Variants in ARID2 observed in about 807,000 individuals in gnomAD.
ARID2 encodes the protein AT-rich interactive domain-containing protein 2.
Under a neutral mutation model 184.6 loss-of-function variants are expected in ARID2, and 32 were observed. The ratio of observed to expected loss-of-function variants is 0.17; its 90% confidence interval spans 0.13 to 0.23. The LOEUF is 0.23. Among genes scored for constraint, ARID2 ranks in the 10% least tolerant of loss-of-function variants. The probability of loss-of-function intolerance (pLI) is 1.00; values close to 1 mark genes in which losing one functional copy is unlikely to be tolerated. For missense variants in ARID2, 1,696 were observed against 2,197.6 expected, an observed-to-expected ratio of 0.77 and a Z score of 4.56; for synonymous variants, 836 against 772.6, an observed-to-expected ratio of 1.08 and a Z score of -1.36.
chr12:45,782,011 G>A (rs930790744), intron 3 of ARID2, among the ~76,000 whole-genome samples: 1 of 151,720 alleles, frequency 6.6e-6, no homozygotes, highest in Non-Finnish European at 1.5e-5. Flanking sequence ...GTAAAGGGGA[G>A]GTATAAAAAG....
At chr12:45,783,670 A>G (rs1053987750) in intron 3 of ARID2, among the ~76,000 whole-genome samples, 1 of 152,242 alleles carries the variant, frequency 6.6e-6, no homozygotes, top group African/African-American at 2.4e-5. Context: ...TTGAGAATCT[A>G]ATGCCACTGC....
chr12:45,758,668 C>T (rs941109307), intron 3 of ARID2, among the ~76,000 whole-genome samples: 2 of 152,128 alleles, frequency 1.3e-5, no homozygotes, highest in Admixed American at 6.5e-5. Context: ...AGCCCTTGGG[C>T]CTTATTCTTT....
chr12:45,759,671 G>A (rs532607328), intron 3 of ARID2, among the ~76,000 whole-genome samples: 1 of 152,218 alleles, frequency 6.6e-6, no homozygotes, highest in South Asian at 2.1e-4. Context: ...TCCATTTAGT[G>A]TAATAATTTT....
chr12:45,872,701 A>G (rs748999182), intron 16 of ARID2, among the ~76,000 whole-genome samples: 2 of 152,242 alleles, frequency 1.3e-5, no homozygotes, highest in African/African-American at 2.4e-5. Flanking sequence ...GGACACAGCC[A>G]AACCATATCA....
At chr12:45,899,695 TTA>T (rs1219289824) in intron 20 of ARID2, among the ~76,000 whole-genome samples, 5,457 of 78,266 alleles carry the variant, frequency 0.07, 372 homozygotes, top group African/African-American at 0.2. Flanking sequence ...ATATATATGG[TTA>T]TATATATATA....
At chr12:45,801,695 A>T (rs1942504795) in intron 3 of ARID2, among the ~76,000 whole-genome samples, 1 of 152,176 alleles carries the variant, frequency 6.6e-6, no homozygotes, top group South Asian at 2.1e-4. Context: ...ATTCTGCAAA[A>T]TCGCCACCCT....
chr12:45,865,069 G>A lies in ARID2; in HGVS notation c.4922+4120G>A, dbSNP rs565076884. 3.3e-5 allele frequency among the ~76,000 whole-genome samples: 5 copies of A among 152,112 alleles called. No individual in the cohort carries two copies. The South Asian group carries it at 1.0e-3, about 32-fold the overall frequency. On this transcript the variant is annotated intron_variant, in intron 16 of 20. Coordinates refer to ENST00000334344, the MANE Select transcript of ARID2 (RefSeq NM_152641.4). Reference sequence around the variant, plus strand: ...TTGGTATACAAATTGTGCCATTTTCGGTCAGTGAAAGCCTCTTCAAGTGGA... The same window carrying A: ...TTGGTATACAAATTGTGCCATTTTCAGTCAGTGAAAGCCTCTTCAAGTGGA...
intron 20 of ARID2, among the ~76,000 whole-genome samples, chr12:45,904,682 T>C (rs1189150310): frequency 9.5e-6 from 1 of 105,348 alleles, no homozygotes; most frequent in Non-Finnish European, 1.7e-5. Flanking sequence ...AGAGTGAGAC[T>C]CCTTCTCAAA....
intron 3 of ARID2, among the ~76,000 whole-genome samples, chr12:45,747,328 A>G (rs1446673153): frequency 1.3e-5 from 2 of 152,192 alleles, no homozygotes; most frequent in East Asian, 3.8e-4. Flanking sequence ...GATTTTTGCA[A>G]CAACTCTAGG....
intron 3 of ARID2, among the ~76,000 whole-genome samples, chr12:45,760,667 T>G (rs552143144): frequency 2.0e-5 from 3 of 152,234 alleles, no homozygotes; most frequent in Admixed American, 2.0e-4. Context: ...ATATTCACAT[T>G]TGCTTTTTTA....
At chr12:45,802,322 C>A (rs1035344633) in intron 3 of ARID2, among the ~76,000 whole-genome samples, 3 of 152,114 alleles carry the variant, frequency 2.0e-5, no homozygotes, top group Non-Finnish European at 4.4e-5. Flanking sequence ...CACACCCGGC[C>A]TCCCAAAGTG....
In ARID2 at chr12:45,768,113, A is replaced by C. The variant is rs150703761; in HGVS notation, c.284+36799A>C. Among the ~76,000 whole-genome samples, 19 of 152,356 alleles carry C rather than the reference A, an allele frequency of 1.2e-4. No individual in the cohort carries two copies. The Middle Eastern group carries it at 0.01, about 82-fold the overall frequency. ...CCTCTTTCCCAGCTTGCTGAGATAG[A>C]AACTTCACTCCAGACTGGTGCAGCC... On this transcript the variant is annotated intron_variant, in intron 3 of 20. Coordinates refer to ENST00000334344, the MANE Select transcript of ARID2 (RefSeq NM_152641.4).
At chr12:45,830,466 C>G (rs1048148027) in intron 6 of ARID2, among the ~76,000 whole-genome samples, 3 of 152,092 alleles carry the variant, frequency 2.0e-5, no homozygotes, top group African/African-American at 7.2e-5. Flanking sequence ...TAGAGACAGT[C>G]AAGCCCTTTT....
At position 45,791,384 on chromosome 12, in the gene ARID2, C is replaced by T. The variant is rs368286607; in HGVS notation, c.285-20034C>T. The stretch of plus-strand genomic sequence containing the variant: ...CAAATTACATTTTAAAAATGTTAGG[C>T]CAACCTTAAATCCTGGTATAAACTC... On this transcript the variant is annotated intron_variant, in intron 3 of 20. Transcript: ENST00000334344. Among the ~76,000 whole-genome samples, 343 of 152,224 alleles carry T rather than the reference C, an allele frequency of 2.3e-3. 12 individuals are homozygous for T. In the South Asian group the frequency reaches 0.067, roughly 30 times the overall value.
intron 16 of ARID2, among the ~76,000 whole-genome samples, chr12:45,876,569 GAAAAA>G (rs34953202): frequency 7.4e-6 from 1 of 135,642 alleles, no homozygotes; most frequent in African/African-American, 2.8e-5. Flanking sequence ...GAAAAAAAAG[GAAAAA>G]AAAAAAAAGA....
chr12:45,821,548 A>G, intron 6 of ARID2, 61 bp downstream of exon 6: 2 of 1,063,362 alleles, frequency 1.9e-6, no homozygotes, highest in Non-Finnish European at 2.6e-6. Context: ...CCAACAATAG[A>G]TCAGTGGTTG....
rs2138175692 is a variant in ARID2 at position 45,852,060 on chromosome 12, C to A, written c.3937C>A (p.Gln1313Lys). 6.2e-7 allele frequency: 1 copy of A among 1,614,052 alleles called. No homozygotes were observed. Among genetic ancestry groups the A allele is most frequent in the Non-Finnish European group, 8.5e-7 (1 of 1,179,996 alleles). ...ACCTCCTTCAAACTCAGGGAAAATT[C>A]AAAGTGAGACTAATCAGTGCTCACT... ...SLPPSNSGKIQSETNQCSLIS... is the reference protein window; with the variant it reads ...SLPPSNSGKIKSETNQCSLIS... The change falls in exon 15 of 21, where the codon CAA (glutamine) becomes AAA (lysine). Residue 1313 changes from glutamine to lysine, a missense_variant. Physicochemically the swap from Gln to Lys is moderately conservative, Grantham distance 53 (BLOSUM62 1). This residue lies in a region of ARID2 where 428 missense variants were observed against 409.1 expected (regional missense o/e 1.05). Coordinates refer to ENST00000334344, the MANE Select transcript of ARID2 (RefSeq NM_152641.4).
chr12:45,733,932 A>G (rs974024704), intron 3 of ARID2, among the ~76,000 whole-genome samples: 1 of 152,232 alleles, frequency 6.6e-6, no homozygotes, highest in African/African-American at 2.4e-5. Context: ...TAACATTGGC[A>G]TTTAATTTTT....
At chr12:45,784,392 AG>A (rs570247100) in intron 3 of ARID2, among the ~76,000 whole-genome samples, 150 of 152,324 alleles carry the variant, frequency 9.8e-4, no homozygotes, top group African/African-American at 3.4e-3. Flanking sequence ...TAATAAAAAA[AG>A]ATCCAACTTA....
Sources: allele counts gnomAD v4.1 joint callset (sites outside exome capture counted in the v4.1 genomes callset), GRCh38; gene constraint gnomAD v4.1.1; regional missense constraint gnomAD v4.1.1; transcripts MANE v1.5; gene names NCBI Gene and HGNC (gene_info 2026-07-23, HGNC 2026-07-21).